Variants in DLGAP1 observed in about 807,000 individuals in gnomAD.
The protein encoded by DLGAP1 is DLG associated protein 1, also known as disks large-associated protein 1.
Under a neutral mutation model 90.8 loss-of-function variants are expected in DLGAP1, and 11 were observed. The ratio of observed to expected loss-of-function variants is 0.12; its 90% CI spans 0.08 to 0.20. The LOEUF (loss-of-function observed/expected upper bound fraction) is 0.20, where lower values mean the gene tolerates loss of function less well. Ranked by LOEUF, DLGAP1 falls within the 10% of genes least tolerant of loss-of-function variation. The probability of loss-of-function intolerance (pLI) is 1.00; values close to 1 mark genes in which losing one functional copy is unlikely to be tolerated. For synonymous variants in DLGAP1, 558 were observed against 540.7 expected, an observed-to-expected ratio of 1.03 and a Z score of -0.44; for missense variants, 1,050 against 1,333.8, an observed-to-expected ratio of 0.79 and a Z score of 3.31.
intron 1 of DLGAP1, among the ~76,000 whole-genome samples, chr18:4,335,602 A>G (rs2081052702): frequency 6.7e-6 from 1 of 149,640 alleles, no homozygotes; most frequent in African/African-American, 2.6e-5. Flanking sequence ...AACATAAGAC[A>G]GTACTGTCTG....
chr18:4,185,527 C>G (rs1260617045), intron 1 of DLGAP1, among the ~76,000 whole-genome samples: 1 of 152,044 alleles, frequency 6.6e-6, no homozygotes, highest in African/African-American at 2.4e-5. Flanking sequence ...ATTTTCTGAT[C>G]CTGTGTTAGT....
At chr18:3,844,205 T>C (rs574224886) in intron 4 of DLGAP1, among the ~76,000 whole-genome samples, 1 of 152,236 alleles carries the variant, frequency 6.6e-6, no homozygotes, top group South Asian at 2.1e-4. Context: ...TGTTTTTGAA[T>C]AGACCTTCTG....
chr18:4,339,600 A>G (rs2081145932), intron 1 of DLGAP1, among the ~76,000 whole-genome samples: 1 of 152,198 alleles, frequency 6.6e-6, no homozygotes, highest in African/African-American at 2.4e-5. Context: ...TTCCAATTAT[A>G]TTATGAAATA....
intron 11 of DLGAP1, among the ~76,000 whole-genome samples, chr18:3,507,856 C>T (rs997204723): frequency 2.0e-5 from 3 of 149,450 alleles, no homozygotes; most frequent in African/African-American, 7.3e-5. Flanking sequence ...CCTGCCTCAG[C>T]CTCCTGAGTA....
intron 2 of DLGAP1, among the ~76,000 whole-genome samples, chr18:4,141,694 T>C (rs1025423350): frequency 1.3e-5 from 2 of 151,840 alleles, no homozygotes; most frequent in African/African-American, 2.4e-5. Context: ...TATTTTCAAA[T>C]AGCCTGTCCT....
At chr18:4,450,253 A>G (rs958189900) in intron 1 of DLGAP1, among the ~76,000 whole-genome samples, 6 of 152,188 alleles carry the variant, frequency 3.9e-5, no homozygotes, top group Admixed American at 3.3e-4. Flanking sequence ...AATAGACTCC[A>G]CACTGATTTC....
chr18:3,523,847 C>CCA (rs1555667130), intron 10 of DLGAP1, among the ~76,000 whole-genome samples: 1 of 114,352 alleles, frequency 8.7e-6, no homozygotes, highest in Non-Finnish European at 1.9e-5. Flanking sequence ...GACTCTGTCT[C>CCA]AAAAAAAAAA....
chr18:3,904,464 G>T (rs1368356132), intron 3 of DLGAP1, among the ~76,000 whole-genome samples: 1 of 151,134 alleles, frequency 6.6e-6, no homozygotes, highest in African/African-American at 2.4e-5. Context: ...TAAGCCTGGG[G>T]TTAAGCCAAG....
At chr18:3,809,276 TAA>T (rs1476543675) in intron 5 of DLGAP1, among the ~76,000 whole-genome samples, 1 of 152,184 alleles carries the variant, frequency 6.6e-6, no homozygotes, top group Non-Finnish European at 1.5e-5. Context: ...CCATCCACGC[TAA>T]GAGACTGAGA....
intron 5 of DLGAP1, among the ~76,000 whole-genome samples, chr18:3,743,873 C>A (rs973520286): frequency 6.6e-6 from 1 of 151,988 alleles, no homozygotes; most frequent in Non-Finnish European, 1.5e-5. Context: ...TGGTCTTGAA[C>A]TCCTGGCCTC....
At chr18:4,048,825 A>T (rs974195435) in intron 2 of DLGAP1, among the ~76,000 whole-genome samples, 1 of 152,236 alleles carries the variant, frequency 6.6e-6, no homozygotes, top group African/African-American at 2.4e-5. Flanking sequence ...ACAATTTCTC[A>T]GTATAATACA....
intron 1 of DLGAP1, among the ~76,000 whole-genome samples, chr18:4,349,195 C>A (rs887860183): frequency 6.6e-6 from 1 of 152,130 alleles, no homozygotes; most frequent in African/African-American, 2.4e-5. Context: ...CTGAGAAAGT[C>A]ACAGTGTAGC....
chr18:3,884,805 T>TA (rs2071267508), intron 3 of DLGAP1, among the ~76,000 whole-genome samples: 1 of 152,222 alleles, frequency 6.6e-6, no homozygotes, highest in African/African-American at 2.4e-5. Flanking sequence ...CCTCCTTCCT[T>TA]ACTTGTATTT....
chr18:4,358,938 G>A (rs1485247934), intron 1 of DLGAP1, among the ~76,000 whole-genome samples: 1 of 152,216 alleles, frequency 6.6e-6, no homozygotes, highest in South Asian at 2.1e-4. Context: ...CGTTCTCCAT[G>A]TGTTTAACTC....
At chr18:3,518,036 G>A (rs995565076) in intron 10 of DLGAP1, among the ~76,000 whole-genome samples, 3 of 152,098 alleles carry the variant, frequency 2.0e-5, no homozygotes, top group Non-Finnish European at 4.4e-5. Context: ...TGGCTATCTG[G>A]CACAAAAAGC....
intron 10 of DLGAP1, among the ~76,000 whole-genome samples, chr18:3,523,272 G>A (rs1051097443): frequency 6.6e-6 from 1 of 151,828 alleles, no homozygotes; most frequent in Non-Finnish European, 1.5e-5. Context: ...AGCTACTCAG[G>A]AGGCTGAGGC....
At chr18:3,681,107 G>C (rs1039439791) in intron 7 of DLGAP1, among the ~76,000 whole-genome samples, 6 of 152,206 alleles carry the variant, frequency 3.9e-5, no homozygotes, top group Non-Finnish European at 4.4e-5. Context: ...GGAGGCTGAT[G>C]AGAGTTCAGT....
At chr18:4,044,719 C>T (rs1568366906) in intron 2 of DLGAP1, among the ~76,000 whole-genome samples, 1 of 152,080 alleles carries the variant, frequency 6.6e-6, no homozygotes, top group Non-Finnish European at 1.5e-5. Flanking sequence ...CTAGCCTGGG[C>T]AACAGAGCAA....
At chr18:4,437,609 A>C (rs2083433470) in intron 1 of DLGAP1, among the ~76,000 whole-genome samples, 2 of 152,218 alleles carry the variant, frequency 1.3e-5, no homozygotes. Flanking sequence ...TTGTTTTTGA[A>C]TATTTCCATT....
Sources: allele counts gnomAD v4.1 joint callset (sites outside exome capture counted in the v4.1 genomes callset), GRCh38; gene constraint gnomAD v4.1.1; transcripts MANE v1.5; gene names NCBI Gene and HGNC (gene_info 2026-07-23, HGNC 2026-07-21).